The following VPS13B variants were observed in gnomAD, a reference collection of about 807,000 sequenced individuals.
VPS13B encodes the protein intermembrane lipid transfer protein VPS13B.
In VPS13B, 285 loss-of-function variants were observed where a neutral mutation model predicts 426.4. That is an observed-to-expected ratio of 0.67 (90% confidence interval 0.61 to 0.74). The LOEUF is 0.74. Ranked by LOEUF, VPS13B falls within the 30% of genes least tolerant of loss-of-function variation. The pLI, the probability that VPS13B is intolerant of heterozygous loss-of-function variation, is 0.00. For synonymous variants in VPS13B, 1,676 were observed against 1,676.4 expected (o/e 1.00, Z 0.01); for missense variants, 4,537 against 4,782.6 (o/e 0.95, Z 1.51).
At chr8:99,558,606 G>T (rs1231069880) in intron 31 of VPS13B, among the ~76,000 whole-genome samples, 1 of 151,362 alleles carries the variant, frequency 6.6e-6, no homozygotes, top group South Asian at 2.1e-4. Context: ...TCCCCACCCT[G>T]TGTCCAAGTG....
intron 30 of VPS13B, among the ~76,000 whole-genome samples, chr8:99,544,846 A>G (rs1823877779): frequency 6.6e-6 from 1 of 152,184 alleles, no homozygotes; most frequent in Non-Finnish European, 1.5e-5. Context: ...ATAGCATTTT[A>G]CAGGTTACAG....
intron 2 of VPS13B, among the ~76,000 whole-genome samples, chr8:99,025,895 C>T (rs534805998): frequency 6.6e-6 from 1 of 152,046 alleles, no homozygotes; most frequent in South Asian, 2.1e-4. Flanking sequence ...GTGGTTTGGT[C>T]TCTTTTTTTC....
chr8:99,404,545 G>A (rs1158187362), intron 21 of VPS13B, among the ~76,000 whole-genome samples: 2 of 152,148 alleles, frequency 1.3e-5, no homozygotes. Flanking sequence ...AAAGTCTCAT[G>A]CATTATTGCA....
At chr8:99,558,484 T>C (rs1316032571) in intron 31 of VPS13B, among the ~76,000 whole-genome samples, 1 of 152,202 alleles carries the variant, frequency 6.6e-6, no homozygotes, top group African/African-American at 2.4e-5. Flanking sequence ...TATGAATACA[T>C]GTGCCATGTT....
chr8:99,276,046 T>G (rs1218400219), intron 19 of VPS13B, among the ~76,000 whole-genome samples: 3 of 152,174 alleles, frequency 2.0e-5, no homozygotes, highest in Non-Finnish European at 4.4e-5. Flanking sequence ...TTAACATTAT[T>G]CAACAAGTAC....
chr8:99,123,808 T>C (rs1848062656), intron 8 of VPS13B, among the ~76,000 whole-genome samples: 1 of 152,158 alleles, frequency 6.6e-6, no homozygotes, highest in Non-Finnish European at 1.5e-5. Flanking sequence ...AGAGTTGAGC[T>C]GTGACATTTT....
chr8:99,081,115 T>G (rs1046178263), intron 3 of VPS13B, among the ~76,000 whole-genome samples: 2 of 152,212 alleles, frequency 1.3e-5, no homozygotes, highest in African/African-American at 4.8e-5. Context: ...TTTTTCTGCC[T>G]CCTTCAAAAT....
chr8:99,326,902 A>G (rs955606419), intron 19 of VPS13B, among the ~76,000 whole-genome samples: 1 of 152,222 alleles, frequency 6.6e-6, no homozygotes, highest in African/African-American at 2.4e-5. Flanking sequence ...TCTCAGACAC[A>G]TGAGACCACT....
At chr8:99,327,110 G>A (rs897220287) in intron 19 of VPS13B, among the ~76,000 whole-genome samples, 4 of 152,044 alleles carry the variant, frequency 2.6e-5, no homozygotes, top group Non-Finnish European at 5.9e-5. Flanking sequence ...TTAAACAAAG[G>A]TGTACCCCTT....
chr8:99,759,225 A>T (rs1563903505), intron 39 of VPS13B, among the ~76,000 whole-genome samples: 1 of 152,140 alleles, frequency 6.6e-6, no homozygotes. Context: ...CCCATGCACA[A>T]GCCCTGGATC....
intron 26 of VPS13B, among the ~76,000 whole-genome samples, chr8:99,502,553 A>G (rs1350146340): frequency 2.0e-5 from 3 of 152,188 alleles, no homozygotes; most frequent in Non-Finnish European, 4.4e-5. Context: ...CTCAATGGTC[A>G]TATTGATACA....
intron 30 of VPS13B, among the ~76,000 whole-genome samples, chr8:99,532,945 T>G (rs12675909): frequency 0.16 from 22,953 of 143,204 alleles, 2,283 homozygotes; most frequent in East Asian, 0.38. Context: ...GGGGTGTTTT[T>G]TTTTTTTTTT....
Position 99,121,457 on chromosome 8 carries a change from C to T in VPS13B, c.1206+12C>T. 2 of 1,613,896 alleles carry T rather than the reference C, an allele frequency of 1.2e-6. No individual in the cohort carries two copies. Among genetic ancestry groups the T allele is most frequent in the Non-Finnish European group, 1.7e-6 (2 of 1,179,908 alleles). ...CGGTGACTTTCAAAGTAGGTCTTTT[C>T]TCTTGCTGTTTATATCTCTATCAAC... On this transcript the variant is annotated intron_variant, in intron 8 of 61. Transcript: ENST00000357162.
chr8:99,465,011 T>G (rs933666912), intron 23 of VPS13B, among the ~76,000 whole-genome samples: 11 of 152,152 alleles, frequency 7.2e-5, no homozygotes, highest in Admixed American at 6.6e-5. Flanking sequence ...GCCGGCAATA[T>G]TTTCTCTAAA....
chr8:99,193,082 C>A, intron 17 of VPS13B, 25 bp downstream of exon 17: 2 of 1,611,526 alleles, frequency 1.2e-6, no homozygotes, highest in South Asian at 1.1e-5. Context: ...TTTTTGATAA[C>A]TATATGGAAA....
At chr8:99,575,830 G>T in intron 32 of VPS13B, 46 bp downstream of exon 32, 1 of 1,587,356 alleles carries the variant, frequency 6.3e-7, no homozygotes. Flanking sequence ...TAATGGAATT[G>T]CTCCTCTTTG....
rs191727186 is a variant in VPS13B at position 99,323,933 on chromosome 8, C to T, written c.2824+48679C>T. Among the ~76,000 whole-genome samples, 13 of 152,240 alleles carry T rather than the reference C, an allele frequency of 8.5e-5. No homozygotes were observed. In the East Asian group the frequency reaches 2.5e-3, roughly 29 times the overall value. ...AATTGCTATGTGAGGATTTTGTTAA[C>T]CTGACGTTTTGTGGTTTCGCCTCAT... On this transcript the variant is annotated intron_variant, in intron 19 of 61. Coordinates refer to ENST00000357162, the MANE Select transcript of VPS13B (RefSeq NM_152564.5).
chr8:99,088,990 T>C (rs758292116), intron 3 of VPS13B, among the ~76,000 whole-genome samples: 3 of 152,216 alleles, frequency 2.0e-5, no homozygotes, highest in Non-Finnish European at 4.4e-5. Context: ...GATTTTTCTT[T>C]TCTCAGGATA....
chr8:99,313,905 A>G (rs1005426985), intron 19 of VPS13B, among the ~76,000 whole-genome samples: 1 of 151,948 alleles, frequency 6.6e-6, no homozygotes, highest in Non-Finnish European at 1.5e-5. Context: ...CATCTTGCAG[A>G]TGGATTTCAG....
Sources: gnomAD v4.1 joint callset for allele counts (sites outside exome capture counted in the v4.1 genomes callset) on GRCh38, gnomAD v4.1.1 for gene constraint, MANE v1.5 for transcripts, NCBI Gene and HGNC (gene_info 2026-07-23, HGNC 2026-07-21) for gene names.